HERC6: variants seen among roughly 807,000 people sequenced by gnomAD.
The protein encoded by HERC6 is HECT and RLD domain containing E3 ubiquitin protein ligase family member 6.
HERC6 carries 101 observed loss-of-function variants against 114.5 expected under a neutral mutation model. The observed-to-expected ratio is 0.88, with a 90% CI of 0.75 to 1.04. The LOEUF (loss-of-function observed/expected upper bound fraction) is 1.04. Ranked by LOEUF, HERC6 falls within the 50% of genes least tolerant of loss-of-function variation. The pLI, the probability that HERC6 is intolerant of heterozygous loss-of-function variation, is 0.00. For missense variants in HERC6, 1,133 were observed against 1,230.9 expected (o/e 0.92, Z 1.19); for synonymous variants, 408 against 436.2 (o/e 0.94, Z 0.81).
At chr4:88,424,563 T>G (rs1210602424) in intron 14 of HERC6, 32 bp from the exon 15 acceptor site, 1 of 1,454,902 alleles carries the variant, frequency 6.9e-7, no homozygotes, top group Non-Finnish European at 9.5e-7. Flanking sequence ...TGTTTTTAAT[T>G]ATCAAAACTA....
chr4:88,410,774 T>C (rs558938904), intron 11 of HERC6, among the ~76,000 whole-genome samples: 1 of 152,176 alleles, frequency 6.6e-6, no homozygotes, highest in East Asian at 1.9e-4. Context: ...ACCAACTTAA[T>C]GGAGGAAAGG....
In HERC6 at chr4:88,435,807, CT is replaced by C; in HGVS notation, c.2336del (p.Phe779SerfsTer19). 6.2e-7 allele frequency: 1 copy of C among 1,612,164 alleles called. No individual in the cohort carries two copies. Among genetic ancestry groups the C allele is most frequent in the Non-Finnish European group, 8.5e-7 (1 of 1,178,954 alleles). On this transcript the variant is annotated frameshift_variant, in exon 18 of 23. Transcript: ENST00000264346. LOFTEE classifies it high-confidence loss of function. ...TTCAATTTAAATGTTGCTAACCTTC[CT>C]TTCCCACTGGCTCTGTATAAAAAAC... ...SLFNLNVANL[P>X]FPLALYKKLL...
chr4:88,380,680 G>A (rs1734271621), intron 1 of HERC6, among the ~76,000 whole-genome samples: 1 of 149,678 alleles, frequency 6.7e-6, no homozygotes, highest in Non-Finnish European at 1.5e-5. Flanking sequence ...TCGCGACACT[G>A]CACTCCAGCC....
intron 22 of HERC6, among the ~76,000 whole-genome samples, chr4:88,440,996 C>G (rs904370267): frequency 6.6e-6 from 1 of 152,058 alleles, no homozygotes. Flanking sequence ...GGATGAGAAC[C>G]CAGGCTCCCT....
rs1023123021 is a variant in HERC6, at chr4:88,417,684, T to C, written c.1713+105T>C. The stretch of plus-strand genomic sequence containing the variant: ...GAAGTCAAATAAAAATCATGAGGAG[T>C]CAAATGTTTTTTAAAGGAGTATAGA... On this transcript the variant is annotated intron_variant, in intron 13 of 22. Transcript: ENST00000264346. 3 of 915,686 alleles carry C rather than the reference T, an allele frequency of 3.3e-6. No individual in the cohort carries two copies. The African/African-American group carries it at 5.1e-5, about 16-fold the overall frequency. 56.7% of individuals were successfully genotyped at this position (915,686 alleles called of 1,614,324 possible).
At chr4:88,394,474 CAAAAAAAAA>C (rs781425955) in intron 5 of HERC6, among the ~76,000 whole-genome samples, 1 of 42,898 alleles carries the variant, frequency 2.3e-5, no homozygotes, top group Non-Finnish European at 4.6e-5. Context: ...CTCTCCTGTC[CAAAAAAAAA>C]AAAAAAAAAA....
At chr4:88,408,405 G>T in intron 10 of HERC6, 119 bp from the exon 11 acceptor site, 1 of 693,364 alleles carries the variant, frequency 1.4e-6, no homozygotes, top group Non-Finnish European at 2.6e-6. Flanking sequence ...TTGAAAGGAG[G>T]TAAGCTTTAA....
chr4:88,385,766 C>T (rs1734543227), intron 3 of HERC6, among the ~76,000 whole-genome samples, 191 bp downstream of exon 3: 1 of 152,112 alleles, frequency 6.6e-6, no homozygotes, highest in Non-Finnish European at 1.5e-5. Flanking sequence ...GTGCCTAATT[C>T]ATAGTGCCAT....
At chr4:88,434,484 G>A (rs1030618492) in intron 17 of HERC6, among the ~76,000 whole-genome samples, 10 of 152,198 alleles carry the variant, frequency 6.6e-5, no homozygotes, top group African/African-American at 2.4e-4. Flanking sequence ...AAGGCCTGAG[G>A]TTGAAGGTTA....
chr4:88,411,930 C>CACAT, intron 11 of HERC6, among the ~76,000 whole-genome samples: 1 of 152,300 alleles, frequency 6.6e-6, no homozygotes, highest in Non-Finnish European at 1.5e-5. Context: ...AAGACTCAGT[C>CACAT]ACATGGCCCT....
At chr4:88,380,346 TAATATAAATATA>T (rs1734232134) in intron 1 of HERC6, among the ~76,000 whole-genome samples, 1 of 12,204 alleles carries the variant, frequency 8.2e-5, no homozygotes, top group African/African-American at 6.1e-4. Flanking sequence ...AATATATATA[TAATATAAATATA>T]TATATAATAT....
At chr4:88,386,309 G>A (rs956120100) in intron 3 of HERC6, among the ~76,000 whole-genome samples, 4 of 151,184 alleles carry the variant, frequency 2.6e-5, no homozygotes, top group Non-Finnish European at 4.4e-5. Context: ...GGGTTCAGGC[G>A]ATTCTCCTGC....
At chr4:88,415,430 C>A (rs1578396899) in intron 12 of HERC6, among the ~76,000 whole-genome samples, 1 of 152,318 alleles carries the variant, frequency 6.6e-6, no homozygotes. Context: ...AAATGACCCT[C>A]CACAGAGTCA....
intron 12 of HERC6, among the ~76,000 whole-genome samples, chr4:88,416,573 CTA>C (rs1736499537): frequency 6.6e-6 from 1 of 151,846 alleles, no homozygotes; most frequent in Non-Finnish European, 1.5e-5. Flanking sequence ...TAATTTATAA[CTA>C]AAATAATTCC....
At chr4:88,380,326 ATAAT>A (rs1734222885) in intron 1 of HERC6, among the ~76,000 whole-genome samples, 4 of 12,338 alleles carry the variant, frequency 3.2e-4, no homozygotes, top group African/African-American at 8.3e-4. Flanking sequence ...AAATATATAT[ATAAT>A]ATATAAATAT....
At chr4:88,431,442 G>A in intron 17 of HERC6, 137 bp downstream of exon 17, 1 of 1,011,970 alleles carries the variant, frequency 9.9e-7, no homozygotes, top group Non-Finnish European at 1.4e-6. Context: ...TACTCGTATG[G>A]TTCACAGAGC....
At position 88,396,197 on chromosome 4, in the gene HERC6, T is replaced by C. The variant is rs559951168; in HGVS notation, c.887+55T>C. ...AGCATGTGTAGAAAGTGTTATATTT[T>C]ATTACTTAGAAATGACTCATATGGA... On this transcript the variant is annotated intron_variant, in intron 6 of 22. Coordinates refer to ENST00000264346, the MANE Select transcript of HERC6 (RefSeq NM_017912.4). 1.1e-5 allele frequency: 15 copies of C among 1,385,828 alleles called. No individual in the cohort carries two copies. The African/African-American group carries it at 2.1e-4, about 19-fold the overall frequency. 85.8% of individuals were successfully genotyped at this position (1,385,828 alleles called of 1,614,324 possible).
At chr4:88,430,442 T>C (rs900303511) in intron 16 of HERC6, among the ~76,000 whole-genome samples, 24 of 151,762 alleles carry the variant, frequency 1.6e-4, no homozygotes, top group Non-Finnish European at 1.5e-4. Context: ...CGGTGGTGGG[T>C]GCCTGTAATC....
chr4:88,421,550 C>A (rs1394115528), intron 13 of HERC6, among the ~76,000 whole-genome samples: 1 of 151,390 alleles, frequency 6.6e-6, no homozygotes, highest in Non-Finnish European at 1.5e-5. Context: ...CAGGTTCAAG[C>A]GATTCTCCTG....
Sources: gnomAD v4.1 joint callset for allele counts (sites outside exome capture counted in the v4.1 genomes callset) on GRCh38, gnomAD v4.1.1 for gene constraint, MANE v1.5 for transcripts, NCBI Gene and HGNC (gene_info 2026-07-23, HGNC 2026-07-21) for gene names.